Variants in INSR observed in about 807,000 individuals in gnomAD.
INSR encodes the protein insulin receptor.
Under a neutral mutation model 142.6 loss-of-function variants are expected in INSR, and 67 were observed. The ratio of observed to expected loss-of-function variants is 0.47; its 90% CI spans 0.39 to 0.58. The LOEUF (loss-of-function observed/expected upper bound fraction) is 0.58, where lower values mean the gene tolerates loss of function less well. INSR is among the 20% of genes least tolerant of loss of function. INSR has a pLI of 0.00. For synonymous variants in INSR, 756 were observed against 743.1 expected (o/e 1.02, Z -0.28); for missense variants, 1,248 against 1,833.2 (o/e 0.68, Z 5.83).
intron 4 of INSR, 29 bp downstream of exon 4, chr19:7,174,554 A>G: frequency 6.2e-7 from 1 of 1,613,304 alleles, no homozygotes; most frequent in Non-Finnish European, 8.5e-7. Flanking sequence ...CCCAACAGGC[A>G]CCCCCGACGC....
At chr19:7,181,014 C>G (rs1303165594) in intron 3 of INSR, among the ~76,000 whole-genome samples, 2 of 151,872 alleles carry the variant, frequency 1.3e-5, no homozygotes, top group East Asian at 3.9e-4. Context: ...ACTCTCGGCT[C>G]ACTGCGACCT....
chr19:7,287,710 C>A (rs1027066909), intron 1 of INSR, among the ~76,000 whole-genome samples: 4 of 152,122 alleles, frequency 2.6e-5, no homozygotes, highest in African/African-American at 9.7e-5. Flanking sequence ...ACATCTCTTG[C>A]GGTGTAAAGA....
At position 7,267,691 on chromosome 19, in the gene INSR, C is replaced by T. The variant is rs140954144; in HGVS notation, c.306G>A (p.Leu102=). 1.2e-6 allele frequency: 2 copies of T among 1,614,088 alleles called. No individual in the cohort carries two copies. Among genetic ancestry groups the T allele is most frequent in the African/African-American group, 1.3e-5 (1 of 75,022 alleles). ...CCCGGATGACCGTGAGGTTGGGGAA[C>T]AGGTCCTTCAGGCTCTCGAGCCCAT... ...RVYGLESLKD[L]FPNLTVIRGS... is the part of the protein sequence containing the mutation. The change falls in exon 2 of 22, where the codon CTG becomes CTA. Residue 102 remains leucine, a synonymous_variant. Transcript: ENST00000302850. The surrounding 1 kb of genome is among the most constrained non-coding windows in gnomAD (Gnocchi z 6.3).
chr19:7,276,423 G>A (rs898970223), intron 1 of INSR, among the ~76,000 whole-genome samples: 2 of 150,642 alleles, frequency 1.3e-5, no homozygotes, highest in African/African-American at 4.9e-5. Flanking sequence ...GAGTATGGGT[G>A]TGAGCCATCA....
chr19:7,153,210 ACACCACACACACG>A, intron 9 of INSR, among the ~76,000 whole-genome samples: 1 of 87,448 alleles, frequency 1.1e-5, no homozygotes, highest in Non-Finnish European at 2.6e-5. Context: ...CACACACCAC[ACACCACACACACG>A]CACCACACAC....
At chr19:7,153,111 CA>C (rs1973443841) in intron 9 of INSR, among the ~76,000 whole-genome samples, 184 bp from the exon 10 acceptor site, 4 of 140,646 alleles carry the variant, frequency 2.8e-5, no homozygotes, top group East Asian at 2.5e-4. Context: ...ACCACAAACA[CA>C]CAACCACACA....
At chr19:7,274,860 G>A (rs961659088) in intron 1 of INSR, among the ~76,000 whole-genome samples, 7 of 151,540 alleles carry the variant, frequency 4.6e-5, no homozygotes, top group African/African-American at 1.5e-4. Context: ...GAGTATCATC[G>A]AAAATGTAGG....
chr19:7,212,910 T>G (rs968529285), intron 2 of INSR, among the ~76,000 whole-genome samples: 2 of 152,054 alleles, frequency 1.3e-5, no homozygotes, highest in African/African-American at 4.8e-5. Flanking sequence ...CATCTGCTTC[T>G]GTACCACCCT....
chr19:7,209,620 C>T (rs1446922020), intron 2 of INSR, among the ~76,000 whole-genome samples: 1 of 151,816 alleles, frequency 6.6e-6, no homozygotes, highest in African/African-American at 2.4e-5. Context: ...TGCTATGCTG[C>T]CCAGGCTGGT....
intron 3 of INSR, among the ~76,000 whole-genome samples, chr19:7,183,259 T>C (rs1349669198): frequency 2.2e-5 from 3 of 134,846 alleles, no homozygotes; most frequent in Non-Finnish European, 4.7e-5. Context: ...TTGTGTTGTT[T>C]TGTGGTGTGT....
At chr19:7,235,087 TA>T (rs1242576255) in intron 2 of INSR, among the ~76,000 whole-genome samples, 3 of 149,596 alleles carry the variant, frequency 2.0e-5, no homozygotes, top group East Asian at 2.0e-4. Context: ...AATAACAAAA[TA>T]AAAAAAATTT....
intron 2 of INSR, among the ~76,000 whole-genome samples, chr19:7,186,476 T>A (rs539087869): frequency 1.1e-3 from 169 of 152,206 alleles, no homozygotes; most frequent in Non-Finnish European, 1.9e-3. Flanking sequence ...ATTTTTTTTT[T>A]AATTGTGGTA....
intron 2 of INSR, among the ~76,000 whole-genome samples, chr19:7,202,249 T>G (rs1482024590): frequency 1.3e-5 from 2 of 152,318 alleles, no homozygotes; most frequent in East Asian, 1.9e-4. Context: ...GCTTTTTGAT[T>G]TTGTCAGTTC....
chr19:7,117,484 T>C (rs1972365333), intron 21 of INSR, 74 bp from the exon 22 acceptor site: 1 of 1,156,618 alleles, frequency 8.6e-7, no homozygotes, highest in Non-Finnish European at 1.3e-6. Context: ...CCCACTCTTG[T>C]CCCTGCAGCC....
chr19:7,228,349 G>A (rs1014749238), intron 2 of INSR, among the ~76,000 whole-genome samples: 3 of 152,154 alleles, frequency 2.0e-5, no homozygotes, highest in East Asian at 3.8e-4. Context: ...GACAAATGTC[G>A]TTTATGTCTC....
intron 1 of INSR, among the ~76,000 whole-genome samples, chr19:7,273,514 C>CTTTTTTT (rs899836609): frequency 1.4e-5 from 2 of 142,894 alleles, no homozygotes; most frequent in African/African-American, 2.6e-5. Flanking sequence ...TTTCTTTTTT[C>CTTTTTTT]TTTTTTTTTT....
Position 7,154,553 on chromosome 19 carries a change from T to C in INSR, c.2030-1626A>G, listed in dbSNP as rs190069627. ...TCCTGACCTCGTGATCTGCCCGCCTTGGCCTCCCAAAGTGCTGGGATTACA... is the reference window on the plus strand; with the variant it reads ...TCCTGACCTCGTGATCTGCCCGCCTCGGCCTCCCAAAGTGCTGGGATTACA... On this transcript the variant is annotated intron_variant, in intron 9 of 21. Transcript: ENST00000302850. Among the ~76,000 whole-genome samples the C allele has an allele frequency of 9.5e-3, 1,437 of 150,766 alleles. 14 individuals are homozygous for C. Among genetic ancestry groups the C allele is most frequent in the Non-Finnish European group, 0.014 (938 of 67,610 alleles).
chr19:7,139,661 A>T (rs905967051), intron 13 of INSR, among the ~76,000 whole-genome samples: 26 of 152,162 alleles, frequency 1.7e-4, no homozygotes, highest in African/African-American at 6.3e-4. Flanking sequence ...ATTTTATTTT[A>T]AAAATGAATG....
intron 14 of INSR, among the ~76,000 whole-genome samples, chr19:7,129,186 T>A (rs1203700582): frequency 6.6e-6 from 1 of 152,172 alleles, no homozygotes; most frequent in Non-Finnish European, 1.5e-5. Context: ...GGAAGCACAC[T>A]CTTCCCCACC....
Sources: gnomAD v4.1 joint callset for allele counts (sites outside exome capture counted in the v4.1 genomes callset) on GRCh38, gnomAD v4.1.1 for gene constraint, Gnocchi (gnomAD v3.1) non-coding constraint, MANE v1.5 for transcripts, NCBI Gene and HGNC (gene_info 2026-07-23, HGNC 2026-07-21) for gene names.